DIS3L2: variants seen among roughly 807,000 people sequenced by gnomAD.
DIS3L2 encodes DIS3 like 3'-5' exoribonuclease 2.
A neutral mutation model predicts 97.5 loss-of-function variants in DIS3L2; 34 were observed. The ratio of observed to expected loss-of-function variants is 0.35; its 90% confidence interval spans 0.27 to 0.46. DIS3L2 has a LOEUF of 0.46. DIS3L2 is among the 20% of genes least tolerant of loss of function. The pLI is 1.00. For synonymous variants in DIS3L2, 435 were observed against 445.2 expected, an observed-to-expected ratio of 0.98 and a Z score of 0.29; for missense variants, 1,038 against 1,146.0, an observed-to-expected ratio of 0.91 and a Z score of 1.36.
At chr2:232,297,580 T>TA (rs1694752149) in intron 13 of DIS3L2, among the ~76,000 whole-genome samples, 1 of 152,176 alleles carries the variant, frequency 6.6e-6, no homozygotes, top group Admixed American at 6.5e-5. Context: ...GAAAACCTAT[T>TA]AGTCTTCTGT....
At chr2:231,973,558 A>G (rs1348837449) in intron 1 of DIS3L2, among the ~76,000 whole-genome samples, 1 of 152,168 alleles carries the variant, frequency 6.6e-6, no homozygotes, top group East Asian at 1.9e-4. Context: ...ACATTAAAAT[A>G]TAATTTTATT....
At chr2:232,302,335 A>G (rs560171265) in intron 14 of DIS3L2, among the ~76,000 whole-genome samples, 47 of 152,094 alleles carry the variant, frequency 3.1e-4, no homozygotes, top group African/African-American at 1.1e-3. Context: ...ATGTATACAT[A>G]TGTAACAAAC....
chr2:232,282,513 C>T (rs1051696951), intron 13 of DIS3L2, among the ~76,000 whole-genome samples: 8 of 152,224 alleles, frequency 5.3e-5, no homozygotes, highest in Non-Finnish European at 1.2e-4. Flanking sequence ...AAGTCGAGTG[C>T]TCTTTCCACT....
At chr2:232,110,964 A>G (rs1697509302) in intron 6 of DIS3L2, among the ~76,000 whole-genome samples, 1 of 152,140 alleles carries the variant, frequency 6.6e-6, no homozygotes, top group Admixed American at 6.5e-5. Flanking sequence ...TTCTATGTGA[A>G]TGGTACCAGC....
At chr2:232,016,431 A>T (rs59679446) in intron 3 of DIS3L2, among the ~76,000 whole-genome samples, 16,956 of 152,106 alleles carry the variant, frequency 0.11, 1,182 homozygotes, top group African/African-American at 0.19. Context: ...GTGCTCAGAT[A>T]AAAGGGTGAC....
intron 14 of DIS3L2, among the ~76,000 whole-genome samples, chr2:232,326,991 C>T (rs1241836004): frequency 6.6e-6 from 1 of 152,168 alleles, no homozygotes; most frequent in Non-Finnish European, 1.5e-5. Flanking sequence ...GCAGGGGCTT[C>T]CACAGCGGCC....
chr2:232,036,707 G>A (rs1336332081), intron 5 of DIS3L2, among the ~76,000 whole-genome samples: 1 of 152,158 alleles, frequency 6.6e-6, no homozygotes, highest in African/African-American at 2.4e-5. Flanking sequence ...GAGTTTTTGT[G>A]TGGTGGTCCT....
chr2:232,316,158 T>C lies in DIS3L2; in HGVS notation c.1740-13655T>C, dbSNP rs530796895. 2.0e-5 allele frequency among the ~76,000 whole-genome samples: 3 copies of C among 152,326 alleles called. 1 individual carries two copies. Among genetic ancestry groups the C allele is most frequent in the African/African-American group, 7.2e-5 (3 of 41,576 alleles). ...CTGGCATGCCACTGCGGCTTCACAG[T>C]AGCCTCCTGGGCAGCGGCTCATCAG... On this transcript the variant is annotated intron_variant, in intron 14 of 20. Coordinates refer to ENST00000325385, the MANE Select transcript of DIS3L2 (RefSeq NM_152383.5).
chr2:231,980,901 C>G (rs1249244840), intron 1 of DIS3L2, among the ~76,000 whole-genome samples: 1 of 152,108 alleles, frequency 6.6e-6, no homozygotes, highest in Non-Finnish European at 1.5e-5. Flanking sequence ...TCCTGAATAG[C>G]TGGGACCACA....
At chr2:231,962,725 G>A (rs531901109) in intron 1 of DIS3L2, among the ~76,000 whole-genome samples, 19 of 152,212 alleles carry the variant, frequency 1.2e-4, no homozygotes, top group African/African-American at 4.1e-4. Flanking sequence ...GTGAGCCACC[G>A]CACCCGGCCG....
At chr2:232,231,835 C>G (rs1488002308) in intron 10 of DIS3L2, among the ~76,000 whole-genome samples, 1 of 152,200 alleles carries the variant, frequency 6.6e-6, no homozygotes, top group Admixed American at 6.5e-5. Context: ...ATGCTGATTA[C>G]AGAGAGTCAG....
At chr2:232,082,139 C>T (rs1002484494) in intron 5 of DIS3L2, among the ~76,000 whole-genome samples, 2 of 152,198 alleles carry the variant, frequency 1.3e-5, no homozygotes, top group Non-Finnish European at 2.9e-5. Flanking sequence ...TTAGAGAGTA[C>T]ACAGGTTTTG....
At chr2:232,050,152 C>T (rs1292194604) in intron 5 of DIS3L2, among the ~76,000 whole-genome samples, 1 of 152,164 alleles carries the variant, frequency 6.6e-6, no homozygotes, top group East Asian at 1.9e-4. Context: ...GATTTAAGAC[C>T]ATTGATTTCC....
At chr2:232,291,051 G>C (rs2106312349) in intron 13 of DIS3L2, among the ~76,000 whole-genome samples, 1 of 152,282 alleles carries the variant, frequency 6.6e-6, no homozygotes, top group Non-Finnish European at 1.5e-5. Context: ...CAGAGCTTGG[G>C]GTGGGGAGGA....
chr2:232,107,197 T>TAC (rs1401715438), intron 6 of DIS3L2, among the ~76,000 whole-genome samples: 2 of 151,698 alleles, frequency 1.3e-5, no homozygotes, highest in Non-Finnish European at 2.9e-5. Flanking sequence ...CTAAAAGAAC[T>TAC]ACAGAACGAA....
At chr2:232,263,827 C>T (rs1423954135) in intron 13 of DIS3L2, among the ~76,000 whole-genome samples, 1 of 152,016 alleles carries the variant, frequency 6.6e-6, no homozygotes, top group African/African-American at 2.4e-5. Context: ...ATAGGAGACA[C>T]GGAAATTTAG....
intron 8 of DIS3L2, 39 bp downstream of exon 8, chr2:232,136,758 C>T: frequency 6.2e-7 from 1 of 1,604,420 alleles, no homozygotes; most frequent in Non-Finnish European, 8.5e-7. Flanking sequence ...AGGTCACAGG[C>T]AGAACTCAGT....
downstream of DIS3L2, chr2:232,339,605 A>G: frequency 2.5e-6 from 1 of 406,720 alleles, no homozygotes; most frequent in Non-Finnish European, 5.1e-6. Flanking sequence ...TTGTGGGACA[A>G]GAGCCTCTCC....
chr2:231,993,118 C>G (rs1391891275), intron 1 of DIS3L2, among the ~76,000 whole-genome samples: 1 of 152,234 alleles, frequency 6.6e-6, no homozygotes, highest in Non-Finnish European at 1.5e-5. Flanking sequence ...TCACCTCAAA[C>G]TCAGCACGTC....
Sources: gnomAD v4.1 joint callset for allele counts (sites outside exome capture counted in the v4.1 genomes callset) on GRCh38, gnomAD v4.1.1 for gene constraint, MANE v1.5 for transcripts, NCBI Gene and HGNC (gene_info 2026-07-23, HGNC 2026-07-21) for gene names.